The following TENM2 variants were observed in gnomAD, a reference collection of about 807,000 sequenced individuals.
TENM2 encodes teneurin-2.
A neutral mutation model predicts 245.2 loss-of-function variants in TENM2; 52 were observed. The observed-to-expected ratio is 0.21, with a 90% CI of 0.17 to 0.27. The LOEUF (loss-of-function observed/expected upper bound fraction) is 0.27, where lower values mean the gene tolerates loss of function less well. Ranked by LOEUF, TENM2 falls within the 10% of genes least tolerant of loss-of-function variation. The pLI is 1.00. For missense variants in TENM2, 3,046 were observed against 3,666.8 expected (o/e 0.83, Z 4.37); for synonymous variants, 1,363 against 1,438.9 (o/e 0.95, Z 1.19).
At chr5:167,349,319 C>T (rs1294913200) in intron 1 of TENM2, among the ~76,000 whole-genome samples, 1 of 152,090 alleles carries the variant, frequency 6.6e-6, no homozygotes, top group African/African-American at 2.4e-5. Flanking sequence ...TATTATTATC[C>T]TTATTTTATA....
chr5:167,396,184 A>G (rs1239287193), intron 2 of TENM2, among the ~76,000 whole-genome samples: 3 of 152,174 alleles, frequency 2.0e-5, no homozygotes, highest in African/African-American at 7.2e-5. Flanking sequence ...CATTATTCAC[A>G]GTAACCAAGA....
At chr5:167,680,953 C>A (rs1343468795) in intron 2 of TENM2, among the ~76,000 whole-genome samples, 1 of 152,054 alleles carries the variant, frequency 6.6e-6, no homozygotes, top group Non-Finnish European at 1.5e-5. Context: ...TTTAGTGTAT[C>A]CGTGCCTCTA....
chr5:167,478,438 C>G (rs543710640), intron 2 of TENM2, among the ~76,000 whole-genome samples: 130 of 152,310 alleles, frequency 8.5e-4, no homozygotes, highest in African/African-American at 3.1e-3. Flanking sequence ...ACGGCATAGA[C>G]TCTGGACTCT....
the TENM2 span, among the ~76,000 whole-genome samples, chr5:167,101,942 T>TAA: frequency 8.1e-6 from 1 of 123,240 alleles, no homozygotes; most frequent in African/African-American, 3.7e-5. Context: ...ATATATATTT[T>TAA]TTTTTTTTTT....
chr5:167,011,724 T>G, the TENM2 span, among the ~76,000 whole-genome samples: 1 of 152,248 alleles, frequency 6.6e-6, no homozygotes, highest in Non-Finnish European at 1.5e-5. Context: ...TCCCCTCTAT[T>G]TAGGAATTGA....
At chr5:167,093,483 A>G in the TENM2 span, among the ~76,000 whole-genome samples, 3 of 152,238 alleles carry the variant, frequency 2.0e-5, no homozygotes, top group African/African-American at 7.2e-5. Flanking sequence ...TAAAGGAGAC[A>G]AGAAGAGAAG....
chr5:167,431,496 A>C (rs1764220384), intron 2 of TENM2, among the ~76,000 whole-genome samples: 1 of 152,182 alleles, frequency 6.6e-6, no homozygotes, highest in Admixed American at 6.5e-5. Context: ...CTTAACAACC[A>C]AGATTCAGGA....
At chr5:168,207,655 G>A (rs1762469437) in intron 19 of TENM2, among the ~76,000 whole-genome samples, 1 of 152,124 alleles carries the variant, frequency 6.6e-6, no homozygotes, top group African/African-American at 2.4e-5. Flanking sequence ...GGAGGGGGAG[G>A]AAGAGACCTG....
chr5:167,341,802 A>G (rs1008358013), intron 1 of TENM2, among the ~76,000 whole-genome samples: 2 of 152,142 alleles, frequency 1.3e-5, no homozygotes, highest in Non-Finnish European at 2.9e-5. Flanking sequence ...GAGGCAAAGT[A>G]ACAGTTGGGA....
At chr5:167,208,881 T>C in the TENM2 span, among the ~76,000 whole-genome samples, 1 of 152,246 alleles carries the variant, frequency 6.6e-6, no homozygotes, top group Non-Finnish European at 1.5e-5. Flanking sequence ...ACTTGCTTTT[T>C]TGTTCTATTC....
intron 27 of TENM2, among the ~76,000 whole-genome samples, chr5:168,249,984 A>C (rs1230530657): frequency 6.6e-6 from 1 of 152,226 alleles, no homozygotes; most frequent in Non-Finnish European, 1.5e-5. Context: ...TACTAGAGAC[A>C]CAATGGGAGG....
chr5:167,220,713 G>A, the TENM2 span, among the ~76,000 whole-genome samples: 802 of 152,192 alleles, frequency 5.3e-3, 11 homozygotes, highest in African/African-American at 0.018. Context: ...TCATCTCTTG[G>A]ACTCTTAATT....
chr5:167,746,505 G>GTT (rs1256017045), intron 2 of TENM2, among the ~76,000 whole-genome samples: 1 of 152,150 alleles, frequency 6.6e-6, no homozygotes, highest in East Asian at 1.9e-4. Flanking sequence ...AGCATAATGG[G>GTT]ATGACCAGCC....
At chr5:167,932,058 A>AT (rs1232022384) in intron 3 of TENM2, among the ~76,000 whole-genome samples, 1 of 152,232 alleles carries the variant, frequency 6.6e-6, no homozygotes, top group Admixed American at 6.5e-5. Context: ...CGAGGTCCGT[A>AT]TTGAGCTGCC....
chr5:167,633,095 T>C (rs1778978696), intron 2 of TENM2, among the ~76,000 whole-genome samples: 1 of 152,186 alleles, frequency 6.6e-6, no homozygotes, highest in Admixed American at 6.5e-5. Context: ...GTTTGAAGTA[T>C]TGCTGATATA....
At chr5:167,581,489 T>G (rs897363601) in intron 2 of TENM2, among the ~76,000 whole-genome samples, 4 of 152,172 alleles carry the variant, frequency 2.6e-5, no homozygotes, top group Non-Finnish European at 5.9e-5. Flanking sequence ...AAACTGAAAA[T>G]GTAAAACAAC....
intron 3 of TENM2, among the ~76,000 whole-genome samples, chr5:167,914,304 G>C (rs1294845260): frequency 1.3e-5 from 2 of 152,220 alleles, no homozygotes; most frequent in African/African-American, 2.4e-5. Flanking sequence ...GAGTCAGCAA[G>C]GCTGAATTTC....
At chr5:167,574,651 G>A (rs1774519493) in intron 2 of TENM2, among the ~76,000 whole-genome samples, 1 of 152,100 alleles carries the variant, frequency 6.6e-6, no homozygotes, top group South Asian at 2.1e-4. Context: ...AAAGGGATCT[G>A]GTAAATAATT....
intron 2 of TENM2, among the ~76,000 whole-genome samples, chr5:167,651,006 G>A (rs1011464607): frequency 2.2e-4 from 33 of 151,956 alleles, no homozygotes; most frequent in African/African-American, 3.6e-4. Flanking sequence ...ACAAAATAGC[G>A]TGCATGTGAG....
Sources: allele counts gnomAD v4.1 joint callset (sites outside exome capture counted in the v4.1 genomes callset), GRCh38; gene constraint gnomAD v4.1.1; transcripts MANE v1.5; gene names NCBI Gene and HGNC (gene_info 2026-07-23, HGNC 2026-07-21).